CACNA1C: variants seen among roughly 807,000 people sequenced by gnomAD.
CACNA1C encodes the protein calcium voltage-gated channel subunit alpha1 C.
CACNA1C carries 30 observed loss-of-function variants against 229.0 expected under a neutral mutation model. The ratio of observed to expected loss-of-function variants is 0.13; its 90% confidence interval spans 0.10 to 0.18. The LOEUF (loss-of-function observed/expected upper bound fraction) is 0.18, where lower values mean the gene tolerates loss of function less well. CACNA1C is among the 10% of genes least tolerant of loss of function. The pLI is 1.00. For synonymous variants in CACNA1C, 1,114 were observed against 1,132.5 expected, an observed-to-expected ratio of 0.98 and a Z score of 0.33; for missense variants, 1,658 against 2,845.0, an observed-to-expected ratio of 0.58 and a Z score of 9.49.
At chr12:2,598,933 C>T (rs2070304788) in intron 21 of CACNA1C, among the ~76,000 whole-genome samples, 1 of 152,116 alleles carries the variant, frequency 6.6e-6, no homozygotes, top group Non-Finnish European at 1.5e-5. Context: ...GAGAGGGAAC[C>T]GAAAGTTGCG....
At chr12:2,473,474 G>C (rs1032738436) in intron 5 of CACNA1C, among the ~76,000 whole-genome samples, 14 of 152,206 alleles carry the variant, frequency 9.2e-5, no homozygotes, top group African/African-American at 2.4e-4. Flanking sequence ...AATGTTATAT[G>C]TTATATTTTA....
rs1162404123 is a variant in CACNA1C at position 2,504,578 on chromosome 12, C to T, written c.1114-264C>T. On this transcript the variant is annotated intron_variant, in intron 7 of 46. Coordinates refer to ENST00000399655, the MANE Select transcript of CACNA1C (RefSeq NM_000719.7). The surrounding 1 kb of genome is among the most constrained non-coding windows in gnomAD (Gnocchi z 6.8). ...TTCTATGTCCTCTCCACAACGCAGCCGAGCAAGGTCTCAGGTTCCACTCCG... is the reference window on the plus strand; with the variant it reads ...TTCTATGTCCTCTCCACAACGCAGCTGAGCAAGGTCTCAGGTTCCACTCCG... 5.7e-6 allele frequency: 7 copies of T among 1,234,026 alleles called. No individual in the cohort carries two copies. Among genetic ancestry groups the T allele is most frequent in the African/African-American group, 1.5e-5 (1 of 67,284 alleles). 76.4% of individuals were successfully genotyped at this position (1,234,026 alleles called of 1,614,324 possible). A position where few individuals can be genotyped will look rare whatever the true frequency, so the allele number is the denominator to read the frequency against.
intron 3 of CACNA1C, among the ~76,000 whole-genome samples, chr12:2,396,070 G>A (rs1282839497): frequency 6.6e-6 from 1 of 152,108 alleles, no homozygotes; most frequent in African/African-American, 2.4e-5. Context: ...GGCTGTCCCT[G>A]GCCTGCTGAA....
chr12:2,362,090 G>C (rs1161313281), intron 3 of CACNA1C, among the ~76,000 whole-genome samples: 1 of 152,220 alleles, frequency 6.6e-6, no homozygotes, highest in Admixed American at 6.5e-5. Flanking sequence ...CACACAGCTG[G>C]TGCTTAAAAA....
chr12:2,163,306 G>A lies in CACNA1C; in HGVS notation c.477+42876G>A, dbSNP rs74062238. Among the ~76,000 whole-genome samples, 14 of 152,058 alleles carry A rather than the reference G, an allele frequency of 9.2e-5. No individual in the cohort carries two copies. The Middle Eastern group carries it at 0.014, about 149-fold the overall frequency. ...TTGAGCCTCACAACAGCCTTGTGAC[G>A]TAGGCAGTATTCGTATTCTCACTTC... On this transcript the variant is annotated intron_variant, in intron 3 of 46. Coordinates refer to ENST00000399655, the MANE Select transcript of CACNA1C (RefSeq NM_000719.7).
intron 3 of CACNA1C, among the ~76,000 whole-genome samples, chr12:2,182,899 A>G (rs1043333936): frequency 6.6e-6 from 1 of 152,176 alleles, no homozygotes; most frequent in African/African-American, 2.4e-5. Flanking sequence ...GGACTTTGGA[A>G]GAAGGTGGTC....
At chr12:2,213,667 G>A (rs949137515) in intron 3 of CACNA1C, among the ~76,000 whole-genome samples, 2 of 152,182 alleles carry the variant, frequency 1.3e-5, no homozygotes, top group African/African-American at 4.8e-5. Context: ...CTATCTTTCT[G>A]GCCATCAGAG....
intron 3 of CACNA1C, among the ~76,000 whole-genome samples, chr12:2,273,098 C>T (rs1264609141): frequency 1.3e-5 from 2 of 152,102 alleles, no homozygotes; most frequent in Admixed American, 6.5e-5. Context: ...TGATTGGTTC[C>T]AGGACTCCCC....
chr12:2,016,000 A>G (rs1216542003), intron 1 of CACNA1C, among the ~76,000 whole-genome samples: 2 of 152,226 alleles, frequency 1.3e-5, no homozygotes, highest in African/African-American at 4.8e-5. Flanking sequence ...ACAGGACTAG[A>G]CTTCAGGTCT....
At chr12:2,318,783 G>A (rs1048112437) in intron 3 of CACNA1C, among the ~76,000 whole-genome samples, 12 of 151,896 alleles carry the variant, frequency 7.9e-5, no homozygotes, top group Non-Finnish European at 1.8e-4. Context: ...TGGAGGATGG[G>A]AAATAGGGCA....
chr12:2,397,837 G>A (rs545060196), intron 3 of CACNA1C, among the ~76,000 whole-genome samples: 2 of 152,372 alleles, frequency 1.3e-5, no homozygotes, highest in South Asian at 4.1e-4. Flanking sequence ...GGGGCAGTCA[G>A]GAGAAAGCAT....
At chr12:2,209,690 C>G (rs1234918455) in intron 3 of CACNA1C, among the ~76,000 whole-genome samples, 1 of 152,198 alleles carries the variant, frequency 6.6e-6, no homozygotes, top group Non-Finnish European at 1.5e-5. Flanking sequence ...GATATTTGTA[C>G]TTCCAAGGGA....
At chr12:2,040,242 G>A (rs2049855219) in intron 1 of CACNA1C, among the ~76,000 whole-genome samples, 1 of 152,002 alleles carries the variant, frequency 6.6e-6, no homozygotes, top group African/African-American at 2.4e-5. Flanking sequence ...TGAGGTCTTT[G>A]TGTGATAGGA....
intron 8 of CACNA1C, among the ~76,000 whole-genome samples, chr12:2,506,840 C>A (rs1389374220): frequency 1.3e-5 from 2 of 152,110 alleles, no homozygotes; most frequent in South Asian, 2.1e-4. Flanking sequence ...GACTGGGAAC[C>A]AAATCTGAGC....
At chr12:2,095,587 T>G (rs1357095940) in intron 1 of CACNA1C, among the ~76,000 whole-genome samples, 1 of 152,138 alleles carries the variant, frequency 6.6e-6, no homozygotes, top group African/African-American at 2.4e-5. Flanking sequence ...TCGGCCCGAG[T>G]CAGGCCATCC....
intron 1 of CACNA1C, among the ~76,000 whole-genome samples, chr12:2,075,515 C>T (rs1478677789): frequency 6.6e-6 from 1 of 152,202 alleles, no homozygotes; most frequent in East Asian, 1.9e-4. Context: ...GGAATTTGAA[C>T]GTAGGCAGCT....
intron 1 of CACNA1C, among the ~76,000 whole-genome samples, chr12:2,106,425 C>A (rs796162967): frequency 5.0e-5 from 3 of 60,204 alleles, no homozygotes; most frequent in Non-Finnish European, 7.2e-5. Flanking sequence ...AGCCACTGGG[C>A]GCCCACCCTG....
At chr12:2,612,138 C>T in intron 29 of CACNA1C, 125 bp downstream of exon 29, 1 of 656,834 alleles carries the variant, frequency 1.5e-6, no homozygotes. Context: ...AGGACCATCC[C>T]TGCTCCGATG....
In CACNA1C at chr12:2,336,024, A is replaced by G. The variant is rs1273228533; in HGVS notation, c.478-112952A>G. Among the ~76,000 whole-genome samples the G allele has an allele frequency of 3.5e-5, 4 of 113,246 alleles. No homozygotes were observed. In the East Asian group the frequency reaches 1.1e-3, roughly 31 times the overall value. The allele number at this position is 113,246 out of a possible 152,430, so 74.3% of individuals were successfully genotyped here. On this transcript the variant is annotated intron_variant, in intron 3 of 46. Coordinates refer to ENST00000399655, the MANE Select transcript of CACNA1C (RefSeq NM_000719.7). Reference sequence around the variant, plus strand: ...TGAAAGGAAATATAAAACAACTCCAAAAAAAAAAAAAAAAAACAAACCCTA... The same window carrying G: ...TGAAAGGAAATATAAAACAACTCCAGAAAAAAAAAAAAAAAACAAACCCTA...
Sources: gnomAD v4.1 joint callset for allele counts (sites outside exome capture counted in the v4.1 genomes callset) on GRCh38, gnomAD v4.1.1 for gene constraint, Gnocchi (gnomAD v3.1) non-coding constraint, MANE v1.5 for transcripts, NCBI Gene and HGNC (gene_info 2026-07-23, HGNC 2026-07-21) for gene names.